The following CDKL3 variants were observed in gnomAD, a reference collection of about 807,000 sequenced individuals.
CDKL3 encodes the protein cyclin dependent kinase like 3, also known as cyclin-dependent kinase-like 3.
Under a neutral mutation model 69.3 loss-of-function variants are expected in CDKL3, and 65 were observed. The observed-to-expected ratio is 0.94, with a 90% confidence interval of 0.77 to 1.15. CDKL3 has a LOEUF of 1.15. Among genes scored for constraint, CDKL3 ranks in the 50% most tolerant of loss-of-function variants. The pLI is 0.00. For synonymous variants in CDKL3, 202 were observed against 221.6 expected (o/e 0.91, Z 0.79); for missense variants, 652 against 689.2 (o/e 0.95, Z 0.61).
At chr5:134,319,827 A>C (rs1390637220) in intron 5 of CDKL3, among the ~76,000 whole-genome samples, 3 of 152,222 alleles carry the variant, frequency 2.0e-5, no homozygotes, top group African/African-American at 7.2e-5. Flanking sequence ...TGGGTATCCA[A>C]ATGATTTTAC....
chr5:134,306,470 C>T, intron 10 of CDKL3, 139 bp downstream of exon 10: 1 of 592,460 alleles, frequency 1.7e-6, no homozygotes, highest in Non-Finnish European at 3.0e-6. Context: ...GCACTCCAGT[C>T]TGGGCAACAG....
intron 4 of CDKL3, among the ~76,000 whole-genome samples, chr5:134,341,545 T>C (rs1750496403): frequency 6.6e-6 from 1 of 152,254 alleles, no homozygotes; most frequent in Non-Finnish European, 1.5e-5. Flanking sequence ...TACGGGATCC[T>C]CAGTAAGGTT....
At chr5:134,358,539 CTTTT>C (rs997465774) in intron 3 of CDKL3, among the ~76,000 whole-genome samples, 2 of 149,898 alleles carry the variant, frequency 1.3e-5, no homozygotes, top group African/African-American at 2.5e-5. Context: ...CCTTTTTTTT[CTTTT>C]CTTTCCTTAA....
intron 4 of CDKL3, among the ~76,000 whole-genome samples, chr5:134,325,721 T>TA (rs564057474): frequency 2.0e-5 from 3 of 151,734 alleles, no homozygotes; most frequent in Non-Finnish European, 2.9e-5. Flanking sequence ...CTTTTGCATT[T>TA]AAAAAAAACT....
At chr5:134,367,252 T>C (rs1210690781), upstream of CDKL3, 1 of 984,716 alleles carries the variant, frequency 1.0e-6, no homozygotes, top group African/African-American at 1.8e-5. Context: ...CTACTCTGGG[T>C]AGGCGCAAGG....
intron 9 of CDKL3, chr5:134,307,890 G>T: frequency 2.1e-6 from 1 of 469,084 alleles, no homozygotes; most frequent in South Asian, 7.5e-5. Flanking sequence ...TTTTCAAAGG[G>T]TCTTTTTTTT....
rs150023910 is a variant in CDKL3, at chr5:134,323,398, G to A, written c.540-1495C>T. 5.3e-4 allele frequency among the ~76,000 whole-genome samples: 80 copies of A among 152,242 alleles called. No homozygotes were observed. The East Asian group carries it at 0.014, about 26-fold the overall frequency. On this transcript the variant is annotated intron_variant, in intron 4 of 12. Transcript: ENST00000265334. Reference sequence around the variant, plus strand: ...TGACAATTGATTGCAAAGTTTATATGGAGAGGCAATAGACCCAGAATAGCC... The same window carrying A: ...TGACAATTGATTGCAAAGTTTATATAGAGAGGCAATAGACCCAGAATAGCC...
chr5:134,360,818 A>C (rs1755823991), intron 2 of CDKL3, among the ~76,000 whole-genome samples: 1 of 152,212 alleles, frequency 6.6e-6, no homozygotes. Flanking sequence ...ATATAAATTA[A>C]TTATTCTCTA....
chr5:134,360,073 G>C lies in CDKL3; in HGVS notation c.184C>G (p.Leu62Val). 1 of 1,532,652 alleles carries C rather than the reference G, an allele frequency of 6.5e-7. No individual in the cohort carries two copies. Among genetic ancestry groups the C allele is most frequent in the Non-Finnish European group, 8.8e-7 (1 of 1,142,254 alleles). The allele number at this position is 1,532,652 out of a possible 1,614,324, so 94.9% of individuals were successfully genotyped here. The change falls in exon 3 of 13, where the codon CTG (leucine) becomes GTG (valine). Residue 62 changes from leucine (L) to valine (V), a missense_variant. Coordinates refer to ENST00000265334, the MANE Select transcript of CDKL3 (RefSeq NM_001113575.2). ...KFLKQFHHEN[L>V]VNLIEVFRQK... is the part of the protein sequence containing the mutation. ...CTAAAAACTTCAATCAGATTGACCAGGTTTTCGTGATGAAATTGCTATTGA... is the reference window on the plus strand; with the variant it reads ...CTAAAAACTTCAATCAGATTGACCACGTTTTCGTGATGAAATTGCTATTGA...
chr5:134,303,089 T>G (rs1175400047), intron 11 of CDKL3, among the ~76,000 whole-genome samples: 1 of 152,028 alleles, frequency 6.6e-6, no homozygotes, highest in Non-Finnish European at 1.5e-5. Flanking sequence ...AATCTTAAGT[T>G]CATAAATTTT....
chr5:134,332,079 G>A (rs1775938059), intron 4 of CDKL3, among the ~76,000 whole-genome samples: 1 of 152,142 alleles, frequency 6.6e-6, no homozygotes, highest in Admixed American at 6.5e-5. Context: ...GTGTCTGTTG[G>A]CTGCATAAAT....
intron 12 of CDKL3, chr5:134,299,532 A>T: frequency 8.3e-7 from 1 of 1,207,716 alleles, no homozygotes; most frequent in Non-Finnish European, 1.1e-6. Flanking sequence ...AGATTAATAA[A>T]TTTAAAAACA....
intron 4 of CDKL3, among the ~76,000 whole-genome samples, chr5:134,349,309 T>G (rs1752670512): frequency 1.3e-5 from 2 of 152,202 alleles, no homozygotes; most frequent in Non-Finnish European, 2.9e-5. Flanking sequence ...AATTACATAC[T>G]TTTATCTCTT....
intron 6 of CDKL3, among the ~76,000 whole-genome samples, chr5:134,317,616 T>C (rs531031241): frequency 1.6e-4 from 24 of 151,620 alleles, no homozygotes; most frequent in African/African-American, 5.6e-4. Context: ...AGGATGAGAC[T>C]GTAAAAAATA....
At chr5:134,348,972 C>T (rs1205976812) in intron 4 of CDKL3, among the ~76,000 whole-genome samples, 1 of 152,018 alleles carries the variant, frequency 6.6e-6, no homozygotes, top group Non-Finnish European at 1.5e-5. Context: ...TGAAAAGGTA[C>T]CCAGGGGAAT....
Position 134,360,057 on chromosome 5 carries a change from T to G in CDKL3, c.200A>C (p.Glu67Ala). 6.5e-7 allele frequency: 1 copy of G among 1,547,648 alleles called. No homozygotes were observed. The highest frequency in any genetic ancestry group is 1.2e-5 in the South Asian group (1 of 81,878). Residue 67 changes from glutamate (E) to alanine (A), a missense_variant, in exon 3 of 13, where the codon GAA becomes GCA. Transcript: ENST00000265334. ...AATTTTCTTTTTCTGTCTAAAAACTTCAATCAGATTGACCAGGTTTTCGTG... is the reference window on the plus strand; with the variant it reads ...AATTTTCTTTTTCTGTCTAAAAACTGCAATCAGATTGACCAGGTTTTCGTG... Reference protein sequence around the residue: ...FHHENLVNLIEVFRQKKKIHL... With the variant: ...FHHENLVNLIAVFRQKKKIHL...
At chr5:134,361,277 A>T (rs1755951090) in intron 2 of CDKL3, among the ~76,000 whole-genome samples, 2 of 151,700 alleles carry the variant, frequency 1.3e-5, no homozygotes, top group South Asian at 4.1e-4. Context: ...TTAAGAGAAC[A>T]AGTCTTGCTA....
At chr5:134,352,106 T>G (rs1753443248) in intron 3 of CDKL3, among the ~76,000 whole-genome samples, 1 of 152,164 alleles carries the variant, frequency 6.6e-6, no homozygotes, top group Non-Finnish European at 1.5e-5. Flanking sequence ...AGTTGCACTT[T>G]TATAGATTCT....
intron 6 of CDKL3, among the ~76,000 whole-genome samples, chr5:134,315,324 G>A (rs1770732215): frequency 6.6e-6 from 1 of 151,946 alleles, no homozygotes; most frequent in African/African-American, 2.4e-5. Flanking sequence ...TTGACAAATA[G>A]GTTAAGGATT....
Sources: gnomAD v4.1 joint callset for allele counts (sites outside exome capture counted in the v4.1 genomes callset) on GRCh38, gnomAD v4.1.1 for gene constraint, MANE v1.5 for transcripts, NCBI Gene and HGNC (gene_info 2026-07-23, HGNC 2026-07-21) for gene names.